The following DAPK1 variants were observed in gnomAD, a reference collection of about 807,000 sequenced individuals.
DAPK1 encodes death-associated protein kinase 1.
In DAPK1, 56 loss-of-function variants were observed where a neutral mutation model predicts 144.9. The observed-to-expected ratio is 0.39, with a 90% CI of 0.31 to 0.48. The LOEUF (loss-of-function observed/expected upper bound fraction) is 0.48, where lower values mean the gene tolerates loss of function less well. Among genes scored for constraint, DAPK1 ranks in the 20% least tolerant of loss-of-function variants. The probability of loss-of-function intolerance (pLI) is 0.95; values close to 1 mark genes in which losing one functional copy is unlikely to be tolerated. For synonymous variants in DAPK1, 690 were observed against 749.0 expected, an observed-to-expected ratio of 0.92 and a Z score of 1.29; for missense variants, 1,454 against 1,875.4, an observed-to-expected ratio of 0.78 and a Z score of 4.15.
At chr9:87,600,419 T>G (rs1407931509) in intron 2 of DAPK1, among the ~76,000 whole-genome samples, 1 of 152,050 alleles carries the variant, frequency 6.6e-6, no homozygotes, top group African/African-American at 2.4e-5. Context: ...AGACTCTATC[T>G]CTGCAAAAAA....
At chr9:87,567,035 C>T (rs1012908729) in intron 2 of DAPK1, among the ~76,000 whole-genome samples, 2 of 149,594 alleles carry the variant, frequency 1.3e-5, no homozygotes, top group African/African-American at 2.4e-5. Flanking sequence ...CCAGAATTCA[C>T]GTTGGCAGTT....
At chr9:87,507,894 T>C (rs1189088257) in intron 2 of DAPK1, among the ~76,000 whole-genome samples, 1 of 152,234 alleles carries the variant, frequency 6.6e-6, no homozygotes, top group Non-Finnish European at 1.5e-5. Flanking sequence ...TGAATGAGGC[T>C]GGCTGGCAAA....
rs1375275878 is a variant in DAPK1 at position 87,703,018 on chromosome 9, G to GC, written c.2872-6dup. ...CAGGTGAGTTAACCTGTCTGGCCCT[G>GC]CCCCCTCTAGGTCTGTCCTCCCATG... On this transcript the variant is annotated splice_polypyrimidine_tract_variant and intron_variant, in intron 24 of 25. Transcript: ENST00000408954. 12 of 1,457,586 alleles carry GC rather than the reference G, an allele frequency of 8.2e-6. No homozygotes were observed. Among genetic ancestry groups the GC allele is most frequent in the Non-Finnish European group, 1.2e-5 (12 of 1,038,620 alleles). 90.3% of individuals were successfully genotyped at this position (1,457,586 alleles called of 1,614,324 possible). A position where few individuals can be genotyped will look rare whatever the true frequency, so the allele number is the denominator to read the frequency against.
chr9:87,613,741 A>T (rs1276425398), intron 3 of DAPK1, among the ~76,000 whole-genome samples: 2 of 152,188 alleles, frequency 1.3e-5, no homozygotes. Flanking sequence ...GGAAGCTGAT[A>T]AATGGGGTGT....
chr9:87,597,911 C>T (rs1158480312), intron 2 of DAPK1, among the ~76,000 whole-genome samples: 1 of 152,178 alleles, frequency 6.6e-6, no homozygotes, highest in African/African-American at 2.4e-5. Context: ...CAGGGCACAG[C>T]CTAGGAGGCC....
chr9:87,644,312 CG>C (rs1283424312), intron 11 of DAPK1, among the ~76,000 whole-genome samples: 1 of 152,016 alleles, frequency 6.6e-6, no homozygotes, highest in Non-Finnish European at 1.5e-5. Context: ...AATCAAACAA[CG>C]GGGCTTTGTT....
intron 2 of DAPK1, among the ~76,000 whole-genome samples, chr9:87,516,000 T>A (rs1825039465): frequency 1.3e-5 from 2 of 152,044 alleles, no homozygotes; most frequent in African/African-American, 4.8e-5. Context: ...CTCAGCTGAA[T>A]CCCCAGGGAG....
Position 87,686,102 on chromosome 9 carries a change from CAAT to C in DAPK1, c.2225-442_2225-440del, listed in dbSNP as rs1034271391. Among the ~76,000 whole-genome samples the C allele has an allele frequency of 5.3e-5, 8 of 152,144 alleles. No homozygotes were observed. The highest frequency in any genetic ancestry group is 1.9e-4 in the African/African-American group (8 of 41,424). The stretch of plus-strand genomic sequence containing the variant: ...CTGAAATCATTTTCCATTTAACCTG[CAAT>C]AATAATCTCATGTGCAAGAGAGAGA... On this transcript the variant is annotated intron_variant, in intron 20 of 25. Coordinates refer to ENST00000408954, the MANE Select transcript of DAPK1 (RefSeq NM_004938.4). This position sits in a 1 kb window ranked among gnomAD's most constrained non-coding sequence, Gnocchi z 4.2.
chr9:87,688,034 G>C (rs1388860706), intron 21 of DAPK1, among the ~76,000 whole-genome samples: 1 of 152,122 alleles, frequency 6.6e-6, no homozygotes, highest in Non-Finnish European at 1.5e-5. Context: ...TCCCTGTGCA[G>C]ATTTGTTACC....
intron 2 of DAPK1, among the ~76,000 whole-genome samples, chr9:87,560,037 C>T (rs2118643675): frequency 6.7e-6 from 1 of 149,868 alleles, no homozygotes; most frequent in Non-Finnish European, 1.5e-5. Context: ...CGGAGTCTTG[C>T]TCTGTCGCCC....
chr9:87,619,645 G>T (rs886783015), intron 3 of DAPK1, among the ~76,000 whole-genome samples: 1 of 152,194 alleles, frequency 6.6e-6, no homozygotes, highest in Non-Finnish European at 1.5e-5. Flanking sequence ...GGCCTGAGAG[G>T]ATTGAGACGC....
chr9:87,690,172 G>A (rs533647386), intron 21 of DAPK1, among the ~76,000 whole-genome samples: 1 of 152,126 alleles, frequency 6.6e-6, no homozygotes, highest in South Asian at 2.1e-4. Flanking sequence ...TGTCCTCTCA[G>A]TGTCTTTCGT....
At chr9:87,499,168 C>A in intron 2 of DAPK1, 29 bp downstream of exon 2, 1 of 1,590,626 alleles carries the variant, frequency 6.3e-7, no homozygotes, top group Non-Finnish European at 8.6e-7. Flanking sequence ...GCGTACCCTC[C>A]TGGATTGTGG....
chr9:87,599,295 G>A (rs1828429181), intron 2 of DAPK1, among the ~76,000 whole-genome samples: 1 of 152,206 alleles, frequency 6.6e-6, no homozygotes, highest in Admixed American at 6.5e-5. Context: ...AAGAGATGAC[G>A]ATGTGTATCT....
chr9:87,632,234 G>C (rs764977592), intron 3 of DAPK1: 4 of 976,846 alleles, frequency 4.1e-6, no homozygotes, highest in East Asian at 2.3e-4. Flanking sequence ...AAGGAGGATC[G>C]GTATATATAG....
chr9:87,696,908 C>A, intron 21 of DAPK1, 99 bp from the exon 22 acceptor site: 1 of 764,362 alleles, frequency 1.3e-6, no homozygotes, highest in East Asian at 2.4e-5. Flanking sequence ...CCATAAGTAT[C>A]ACTATGCCTA....
chr9:87,523,233 G>A (rs1300239797), intron 2 of DAPK1, among the ~76,000 whole-genome samples: 8 of 152,144 alleles, frequency 5.3e-5, no homozygotes, highest in African/African-American at 1.7e-4. Context: ...TAAAATAGTC[G>A]GATTTATCAA....
At chr9:87,633,832 G>A (rs552488217) in intron 3 of DAPK1, among the ~76,000 whole-genome samples, 12 of 152,348 alleles carry the variant, frequency 7.9e-5, no homozygotes, top group African/African-American at 2.9e-4. Flanking sequence ...ACCCAGTGGG[G>A]TGTAGCTTGG....
intron 1 of DAPK1, chr9:87,498,630 C>T (rs149817803): frequency 2.0e-4 from 66 of 334,456 alleles, no homozygotes; most frequent in Non-Finnish European, 3.6e-4. Context: ...CCGCGGCGTC[C>T]CTGGAGGTGG....
Sources: gnomAD v4.1 joint callset for allele counts (sites outside exome capture counted in the v4.1 genomes callset) on GRCh38, gnomAD v4.1.1 for gene constraint, Gnocchi (gnomAD v3.1) non-coding constraint, MANE v1.5 for transcripts, NCBI Gene and HGNC (gene_info 2026-07-23, HGNC 2026-07-21) for gene names.